The following PHTF1 variants were observed in gnomAD, a reference collection of about 807,000 sequenced individuals.
The protein encoded by PHTF1 is protein PHTF1.
A neutral mutation model predicts 102.4 loss-of-function variants in PHTF1; 88 were observed. That is an observed-to-expected ratio of 0.86 (90% CI 0.72 to 1.03). The LOEUF (loss-of-function observed/expected upper bound fraction) is 1.03. PHTF1 is among the 50% of genes least tolerant of loss of function. The probability of loss-of-function intolerance (pLI) is 0.00; values close to 1 mark genes in which losing one functional copy is unlikely to be tolerated. For synonymous variants in PHTF1, 289 were observed against 305.2 expected, an observed-to-expected ratio of 0.95 and a Z score of 0.55; for missense variants, 814 against 909.5, an observed-to-expected ratio of 0.89 and a Z score of 1.35.
At chr1:113,746,874 C>G (rs1164018449) in intron 3 of PHTF1, 2 of 896,538 alleles carry the variant, frequency 2.2e-6, no homozygotes, top group Admixed American at 1.2e-4. Context: ...TTCATACATC[C>G]TAGCTATTTC....
At chr1:113,717,085 T>C (rs540414953) in intron 7 of PHTF1, among the ~76,000 whole-genome samples, 12 of 152,264 alleles carry the variant, frequency 7.9e-5, no homozygotes, top group Middle Eastern at 3.4e-3. Flanking sequence ...AAGTGTACAG[T>C]TTTTATTACT....
In PHTF1 at chr1:113,706,011, AAG is replaced by A. The variant is rs1480863960; in HGVS notation, c.1548_1549del (p.Phe517LeufsTer16). The A allele has an allele frequency of 6.2e-7, 1 of 1,614,062 alleles. No homozygotes were observed. Among genetic ancestry groups the A allele is most frequent in the South Asian group, 1.1e-5 (1 of 91,092 alleles). On this transcript the variant is annotated frameshift_variant, in exon 13 of 19. Coordinates refer to ENST00000369604, the MANE Select transcript of PHTF1 (RefSeq NM_001323043.2). LOFTEE classifies it high-confidence loss of function. ...AGGTGTAACAGGTGGTGCCCCACAA[AAG>A]AGAGTCAAGATCTCCTCAGCTGAAA...
chr1:113,738,324 C>T (rs1655839352), intron 4 of PHTF1, 56 bp from the exon 5 acceptor site: 1 of 1,328,768 alleles, frequency 7.5e-7, no homozygotes, highest in Non-Finnish European at 1.1e-6. Context: ...GTATTGAAGG[C>T]CACCTGTAGC....
chr1:113,751,889 T>C (rs1382536332), intron 3 of PHTF1, among the ~76,000 whole-genome samples: 2 of 152,228 alleles, frequency 1.3e-5, no homozygotes, highest in African/African-American at 4.8e-5. Context: ...ACATTTGGTA[T>C]TGTCAATCTT....
intron 8 of PHTF1, among the ~76,000 whole-genome samples, 165 bp from the exon 9 acceptor site, chr1:113,712,278 T>G (rs1039760211): frequency 6.6e-6 from 1 of 151,968 alleles, no homozygotes; most frequent in African/African-American, 2.4e-5. Context: ...TTAAGAAAAA[T>G]ATTTAGTTGA....
chr1:113,700,034 C>A, intron 16 of PHTF1: 1 of 1,094,974 alleles, frequency 9.1e-7, no homozygotes, highest in Non-Finnish European at 1.1e-6. Flanking sequence ...ATTTAAATAT[C>A]AAAACAATGA....
At chr1:113,732,104 T>TG (rs937158685) in intron 5 of PHTF1, among the ~76,000 whole-genome samples, 1 of 152,094 alleles carries the variant, frequency 6.6e-6, no homozygotes, top group East Asian at 1.9e-4. Flanking sequence ...TTGTTGGTTT[T>TG]GGGGGGTCTT....
At position 113,700,932 on chromosome 1, in the gene PHTF1, T is replaced by C. The variant is rs778144050; in HGVS notation, c.1908A>G (p.Lys636=). 1 of 1,610,042 alleles carries C rather than the reference T, an allele frequency of 6.2e-7. No individual in the cohort carries two copies. The highest frequency in any genetic ancestry group is 8.5e-7 in the Non-Finnish European group (1 of 1,178,808). The change falls in exon 16 of 19, where the codon AAA becomes AAG. Residue 636 remains lysine (K), a synonymous_variant. Coordinates refer to ENST00000369604, the MANE Select transcript of PHTF1 (RefSeq NM_001323043.2). ...AGTTATAAGCATCATTCAGGAAAGT[T>C]TTATGTCCTTGGAGAACCTATACAA... ...ICCAQVLQGH[K]TFLNDAYNWE... is the part of the protein sequence containing the mutation.
intron 3 of PHTF1, among the ~76,000 whole-genome samples, chr1:113,755,856 C>T (rs1658779957): frequency 6.6e-6 from 1 of 151,230 alleles, no homozygotes; most frequent in Admixed American, 6.6e-5. Context: ...GTCAGGAGAT[C>T]GAGACCATCC....
chr1:113,748,780 C>A (rs1197981057), intron 3 of PHTF1, among the ~76,000 whole-genome samples: 1 of 152,186 alleles, frequency 6.6e-6, no homozygotes, highest in African/African-American at 2.4e-5. Context: ...AAGCGATCAG[C>A]CTCGGCCTCC....
rs768819745 is a variant in PHTF1, at chr1:113,706,082, T to G, written c.1479A>C (p.Leu493Phe). 2.5e-6 allele frequency: 4 copies of G among 1,613,976 alleles called. No individual in the cohort carries two copies. The East Asian group carries it at 8.9e-5, about 36-fold the overall frequency. ...GGCTCTTCTCACGGAAAAGTCGATG[T>G]AAGAATGGAAAAAATGCTAATCCAA... is the stretch of plus-strand genomic sequence containing the variant. ...VTIGLAFFPF[L>F]HRLFREKSLD... Residue 493 changes from leucine to phenylalanine, a missense_variant, in exon 13 of 19, where the codon TTA becomes TTC. Transcript: ENST00000369604.
intron 3 of PHTF1, among the ~76,000 whole-genome samples, chr1:113,743,069 C>T (rs952643935): frequency 6.6e-6 from 1 of 152,120 alleles, no homozygotes; most frequent in African/African-American, 2.4e-5. Context: ...CTGCTGTGTC[C>T]TCTCAAAGTG....
intron 3 of PHTF1, among the ~76,000 whole-genome samples, chr1:113,750,591 G>A (rs1453695532): frequency 6.6e-6 from 1 of 152,040 alleles, no homozygotes; most frequent in Non-Finnish European, 1.5e-5. Context: ...AGGCGTGGTG[G>A]CTCACGCCTG....
At chr1:113,757,060 T>G (rs1338480707) in intron 3 of PHTF1, among the ~76,000 whole-genome samples, 2 of 152,086 alleles carry the variant, frequency 1.3e-5, no homozygotes, top group East Asian at 3.9e-4. Flanking sequence ...CCAGCTACTC[T>G]GGAGGTTGAG....
intron 7 of PHTF1, among the ~76,000 whole-genome samples, chr1:113,717,741 C>T (rs891093392): frequency 6.6e-6 from 1 of 151,998 alleles, no homozygotes; most frequent in Non-Finnish European, 1.5e-5. Context: ...GAAGCAAAAG[C>T]GGAAACCCCT....
chr1:113,726,114 A>G (rs1439610490), intron 6 of PHTF1, among the ~76,000 whole-genome samples: 3 of 152,212 alleles, frequency 2.0e-5, no homozygotes, highest in African/African-American at 7.2e-5. Context: ...TTAAGACTGA[A>G]TTTCAAAGAG....
intron 5 of PHTF1, among the ~76,000 whole-genome samples, chr1:113,736,793 T>C (rs1655567108): frequency 6.6e-6 from 1 of 152,048 alleles, no homozygotes; most frequent in Non-Finnish European, 1.5e-5. Context: ...AAAAAGGATA[T>C]TATGTCTACA....
intron 7 of PHTF1, among the ~76,000 whole-genome samples, chr1:113,724,339 A>G (rs911835851): frequency 8.5e-5 from 13 of 152,126 alleles, no homozygotes; most frequent in African/African-American, 2.9e-4. Context: ...CAGGAATTCG[A>G]TATCAGCCTG....
chr1:113,699,879 G>A (rs1412868288), intron 16 of PHTF1, 80 bp from the exon 17 acceptor site: 4 of 709,254 alleles, frequency 5.6e-6, no homozygotes. Context: ...TATTTCAAAG[G>A]TCATGTTTTC....
Sources: gnomAD v4.1 joint callset for allele counts (sites outside exome capture counted in the v4.1 genomes callset) on GRCh38, gnomAD v4.1.1 for gene constraint, MANE v1.5 for transcripts, NCBI Gene and HGNC (gene_info 2026-07-23, HGNC 2026-07-21) for gene names.